CDH23: variants seen among roughly 807,000 people sequenced by gnomAD.
CDH23 encodes the protein cadherin related 23.
A neutral mutation model predicts 317.1 loss-of-function variants in CDH23; 189 were observed. The observed-to-expected ratio is 0.60, with a 90% CI of 0.53 to 0.67. The LOEUF is 0.67. CDH23 is among the 30% of genes least tolerant of loss of function. The pLI is 0.00. For missense variants in CDH23, 4,401 were observed against 4,592.4 expected, an observed-to-expected ratio of 0.96 and a Z score of 1.20; for synonymous variants, 1,839 against 1,876.8, an observed-to-expected ratio of 0.98 and a Z score of 0.52.
intron 9 of CDH23, among the ~76,000 whole-genome samples, chr10:71,610,385 A>G (rs1270150354): frequency 6.6e-6 from 1 of 152,200 alleles, no homozygotes; most frequent in African/African-American, 2.4e-5. Context: ...GCCTCATCCT[A>G]TTTCCTTGCC....
At chr10:71,409,301 G>A (rs142124684) in intron 1 of CDH23, among the ~76,000 whole-genome samples, 52 of 152,270 alleles carry the variant, frequency 3.4e-4, no homozygotes, top group African/African-American at 1.2e-3. Flanking sequence ...GTGAACCCCA[G>A]TACCTCTCAG....
rs1839412875 is a variant in CDH23 at position 71,732,175 on chromosome 10, ACT to A, written c.3907_3908del (p.Leu1303AlafsTer28). On this transcript the variant is annotated frameshift_variant, in exon 32 of 70. Transcript: ENST00000224721. LOFTEE classifies it high-confidence loss of function. ...FNQGFCSVYITLLNELDEAVQ... is the reference protein window; with the variant it reads ...FNQGFCSVYIXLLNELDEAVQ... ...CCAGGGCTTCTGCAGCGTCTACATCACTCTGCTCAACGAGCTGGACGAGGCCG... is the reference window on the plus strand; with the variant it reads ...CCAGGGCTTCTGCAGCGTCTACATCACTGCTCAACGAGCTGGACGAGGCCG... 6.2e-7 allele frequency: 1 copy of A among 1,613,346 alleles called. No homozygotes were observed.
At chr10:71,471,096 A>G (rs1055747445) in intron 3 of CDH23, among the ~76,000 whole-genome samples, 3 of 152,068 alleles carry the variant, frequency 2.0e-5, no homozygotes, top group Non-Finnish European at 2.9e-5. Flanking sequence ...TTGTCTTTTC[A>G]TTCTCTTGGC....
At position 71,404,001 on chromosome 10, in the gene CDH23, A is replaced by C. The variant is rs1169966609; in HGVS notation, c.-6+6683A>C. Among the ~76,000 whole-genome samples the C allele has an allele frequency of 6.6e-5, 10 of 152,346 alleles. No individual in the cohort carries two copies. In the East Asian group the frequency reaches 1.7e-3, roughly 26 times the overall value. On this transcript the variant is annotated intron_variant, in intron 1 of 69. Transcript: ENST00000224721. ...CAGTTTTTCGGAAAACTGAGGCAGG[A>C]GAATCTCTTCAACCCGGGAGGCAGA...
At chr10:71,402,746 C>T (rs1033136389) in intron 1 of CDH23, among the ~76,000 whole-genome samples, 5 of 121,418 alleles carry the variant, frequency 4.1e-5, no homozygotes, top group Admixed American at 4.0e-4. Flanking sequence ...TGTGTGTGTG[C>T]ACGCGCGCGC....
chr10:71,673,539 C>T (rs1864234057), intron 14 of CDH23, among the ~76,000 whole-genome samples: 1 of 152,204 alleles, frequency 6.6e-6, no homozygotes, highest in Admixed American at 6.5e-5. Flanking sequence ...AGTGTGGTCT[C>T]CTCTCGCCTG....
At chr10:71,465,791 A>G (rs539515338) in intron 3 of CDH23, among the ~76,000 whole-genome samples, 23 of 152,352 alleles carry the variant, frequency 1.5e-4, no homozygotes, top group Middle Eastern at 3.4e-3. Context: ...AGAGAAAGCA[A>G]ACGGCCGAAA....
At position 71,785,042 on chromosome 10, in the gene CDH23, G is replaced by A. The variant is rs539839828; in HGVS notation, c.5654G>A (p.Arg1885His). 17 of 1,614,080 alleles carry A rather than the reference G, an allele frequency of 1.1e-5. No individual in the cohort carries two copies. The highest frequency in any genetic ancestry group is 5.3e-5 in the African/African-American group (4 of 75,072). Residue 1885 changes from arginine to histidine, a missense_variant, in exon 43 of 70, where the codon CGC becomes CAC. Transcript: ENST00000224721. ...ASDADSGCNA[R>H]LTFNITAGNR... is the part of the protein sequence containing the mutation. ...GACGCTGACAGTGGCTGCAATGCACGCCTCACCTTCAACATCACTGCGGGC... is the reference window on the plus strand; with the variant it reads ...GACGCTGACAGTGGCTGCAATGCACACCTCACCTTCAACATCACTGCGGGC...
At chr10:71,504,553 G>A (rs1341731331) in intron 3 of CDH23, among the ~76,000 whole-genome samples, 3 of 152,176 alleles carry the variant, frequency 2.0e-5, no homozygotes, top group African/African-American at 7.2e-5. Context: ...TGAATGTTCT[G>A]CTTTCCACCC....
rs1263755481 is a variant in CDH23 at position 71,495,832 on chromosome 10, G to A, written c.146-14250G>A. Among the ~76,000 whole-genome samples, 10 of 150,906 alleles carry A rather than the reference G, an allele frequency of 6.6e-5. No individual in the cohort carries two copies. The South Asian group carries it at 2.1e-3, about 32-fold the overall frequency. On this transcript the variant is annotated intron_variant, in intron 3 of 69. Transcript: ENST00000224721. Reference sequence around the variant, plus strand: ...TTGGAAAAAAAAAAAAAGAAAGAAAGAAAGAAAGAAGGAAAGAAAGAAAAG... The same window carrying A: ...TTGGAAAAAAAAAAAAAGAAAGAAAAAAAGAAAGAAGGAAAGAAAGAAAAG...
chr10:71,499,768 C>G (rs139646335), intron 3 of CDH23, among the ~76,000 whole-genome samples: 2,605 of 147,332 alleles, frequency 0.018, 60 homozygotes, highest in African/African-American at 0.056. Context: ...GACCCCACGA[C>G]GCAGAGGTTG....
At chr10:71,467,358 C>A (rs966137438) in intron 3 of CDH23, among the ~76,000 whole-genome samples, 2 of 152,180 alleles carry the variant, frequency 1.3e-5, no homozygotes, top group African/African-American at 4.8e-5. Context: ...TGGCTGGGCC[C>A]GATCCTCAGA....
intron 47 of CDH23, among the ~76,000 whole-genome samples, chr10:71,792,009 C>T (rs1019750593): frequency 6.6e-6 from 1 of 152,060 alleles, no homozygotes; most frequent in East Asian, 1.9e-4. Context: ...TTTTGAAAAA[C>T]ATAAGTATAA....
Position 71,784,437 on chromosome 10 carries a change from C to T in CDH23, c.5502+17C>T. 6.2e-7 allele frequency: 1 copy of T among 1,609,008 alleles called. No homozygotes were observed. Among genetic ancestry groups the T allele is most frequent in the Non-Finnish European group, 8.5e-7 (1 of 1,177,074 alleles). On this transcript the variant is annotated intron_variant, in intron 42 of 69. Coordinates refer to ENST00000224721, the MANE Select transcript of CDH23 (RefSeq NM_022124.6). Reference sequence around the variant, plus strand: ...AGCTCCACAGTGAGTCTGGGGGCCCCACCCGCTGGCTTCACCTCGCTGCCC... The same window carrying T: ...AGCTCCACAGTGAGTCTGGGGGCCCTACCCGCTGGCTTCACCTCGCTGCCC...
At chr10:71,420,440 GTCA>G (rs1848714844) in intron 1 of CDH23, among the ~76,000 whole-genome samples, 1 of 26,670 alleles carries the variant, frequency 3.7e-5, no homozygotes, top group Non-Finnish European at 7.9e-5. Flanking sequence ...GATGATGATG[GTCA>G]TTATGATGGT....
At chr10:71,501,958 C>T (rs1853361564) in intron 3 of CDH23, among the ~76,000 whole-genome samples, 1 of 152,212 alleles carries the variant, frequency 6.6e-6, no homozygotes, top group Non-Finnish European at 1.5e-5. Flanking sequence ...TACCCGTGGC[C>T]TTGGAATTTG....
intron 9 of CDH23, among the ~76,000 whole-genome samples, chr10:71,607,935 G>T (rs115323455): frequency 0.019 from 2,965 of 152,204 alleles, 94 homozygotes; most frequent in African/African-American, 0.068. Context: ...AAGAAAACAG[G>T]CATGGCAGGA....
chr10:71,481,960 G>A (rs890855782), intron 3 of CDH23, among the ~76,000 whole-genome samples: 1 of 152,190 alleles, frequency 6.6e-6, no homozygotes, highest in African/African-American at 2.4e-5. Context: ...GGAGAGCCTG[G>A]GCTGCAAAGG....
At chr10:71,498,940 A>C (rs749837799) in intron 3 of CDH23, among the ~76,000 whole-genome samples, 2 of 152,232 alleles carry the variant, frequency 1.3e-5, no homozygotes, top group Non-Finnish European at 2.9e-5. Context: ...CAGGATATCA[A>C]AGGGATAGCT....
Sources: allele counts gnomAD v4.1 joint callset (sites outside exome capture counted in the v4.1 genomes callset), GRCh38; gene constraint gnomAD v4.1.1; transcripts MANE v1.5; gene names NCBI Gene and HGNC (gene_info 2026-07-23, HGNC 2026-07-21).